The following DOCK4 variants were observed in gnomAD, a reference collection of about 807,000 sequenced individuals.
The protein encoded by DOCK4 is dedicator of cytokinesis 4.
DOCK4 carries 97 observed loss-of-function variants against 268.1 expected under a neutral mutation model. That is an observed-to-expected ratio of 0.36 (90% CI 0.31 to 0.43). The LOEUF (loss-of-function observed/expected upper bound fraction) is 0.43. DOCK4 is among the 20% of genes least tolerant of loss of function. DOCK4 has a pLI of 1.00. For synonymous variants in DOCK4, 954 were observed against 887.2 expected (o/e 1.08, Z -1.34); for missense variants, 2,145 against 2,455.7 (o/e 0.87, Z 2.67).
At chr7:112,197,295 CAA>C (rs397978122) in intron 1 of DOCK4, among the ~76,000 whole-genome samples, 2 of 131,118 alleles carry the variant, frequency 1.5e-5, no homozygotes, top group Admixed American at 7.7e-5. Flanking sequence ...ATATATTTAC[CAA>C]AAAAAAAAAA....
chr7:111,791,870 C>T lies in DOCK4; in HGVS notation c.3167-1265G>A, dbSNP rs540028327. Among the ~76,000 whole-genome samples the T allele has an allele frequency of 3.9e-5, 6 of 152,232 alleles. No individual in the cohort carries two copies. The South Asian group carries it at 1.2e-3, about 32-fold the overall frequency. Reference sequence around the variant, plus strand: ...CAAGCATGAGCCACCAGGCTGGGCCCCTTGTGTTTTTTCTTAACAGAATAA... The same window carrying T: ...CAAGCATGAGCCACCAGGCTGGGCCTCTTGTGTTTTTTCTTAACAGAATAA... On this transcript the variant is annotated intron_variant, in intron 30 of 52. Coordinates refer to ENST00000428084, the MANE Select transcript of DOCK4 (RefSeq NM_001363540.2).
chr7:111,815,633 C>T (rs867420407), intron 27 of DOCK4, among the ~76,000 whole-genome samples: 1 of 146,132 alleles, frequency 6.8e-6, no homozygotes, highest in Admixed American at 6.8e-5. Context: ...CTTCCCCTCC[C>T]CCATCCCCTC....
chr7:112,033,187 C>G (rs1007751613), intron 1 of DOCK4, among the ~76,000 whole-genome samples: 5 of 151,978 alleles, frequency 3.3e-5, no homozygotes, highest in Admixed American at 6.5e-5. Flanking sequence ...ACATCATAAT[C>G]TAAAAATAGG....
At chr7:111,854,760 A>G (rs936410470) in intron 23 of DOCK4, among the ~76,000 whole-genome samples, 2 of 152,158 alleles carry the variant, frequency 1.3e-5, no homozygotes, top group African/African-American at 4.8e-5. Flanking sequence ...AACATCTATT[A>G]AGCACCTACT....
chr7:112,127,980 G>C (rs1291314766), intron 1 of DOCK4, among the ~76,000 whole-genome samples: 2 of 152,186 alleles, frequency 1.3e-5, no homozygotes, highest in African/African-American at 4.8e-5. Context: ...AGTGAGCCAA[G>C]ATTGTGCCAC....
At position 112,041,704 on chromosome 7, in the gene DOCK4, A is replaced by G. The variant is rs117727958; in HGVS notation, c.38-37573T>C. The stretch of plus-strand genomic sequence containing the variant: ...GGTTCCTGTTCTGTTATTAACTTAC[A>G]TTTTGGAAAAGATACTTCCCACTTA... On this transcript the variant is annotated intron_variant, in intron 1 of 52. Coordinates refer to ENST00000428084, the MANE Select transcript of DOCK4 (RefSeq NM_001363540.2). Among the ~76,000 whole-genome samples, 93 of 152,328 alleles carry G rather than the reference A, an allele frequency of 6.1e-4. No individual in the cohort carries two copies. The East Asian group carries it at 0.016, about 26-fold the overall frequency.
chr7:111,742,178 C>G lies in DOCK4; in HGVS notation c.4678-46G>C, dbSNP rs750354918. 3 of 1,519,384 alleles carry G rather than the reference C, an allele frequency of 2.0e-6. No individual in the cohort carries two copies. In the South Asian group the frequency reaches 4.0e-5, roughly 20 times the overall value. The allele number at this position is 1,519,384 out of a possible 1,614,324, so 94.1% of individuals were successfully genotyped here. A position where few individuals can be genotyped will look rare whatever the true frequency, so the allele number is the denominator to read the frequency against. On this transcript the variant is annotated intron_variant, in intron 44 of 52. Transcript: ENST00000428084. ...AAAAACCTCACATCAATGACTACCT[C>G]TCACTAAGTGCCTGCTATGGGCCGA...
At chr7:112,133,188 G>C (rs1489020255) in intron 1 of DOCK4, among the ~76,000 whole-genome samples, 1 of 152,098 alleles carries the variant, frequency 6.6e-6, no homozygotes, top group Non-Finnish European at 1.5e-5. Context: ...ACTGATGGAG[G>C]CCATGTGGGT....
In DOCK4 at chr7:111,863,694, G is replaced by C. The variant is rs1805744335; in HGVS notation, c.2281-130C>G. 1.6e-5 allele frequency: 16 copies of C among 990,108 alleles called. No individual in the cohort carries two copies. The South Asian group carries it at 3.3e-4, about 20-fold the overall frequency. The allele number at this position is 990,108 out of a possible 1,614,324, so 61.3% of individuals were successfully genotyped here. On this transcript the variant is annotated intron_variant, in intron 22 of 52. Coordinates refer to ENST00000428084, the MANE Select transcript of DOCK4 (RefSeq NM_001363540.2). ...AGGAATAGAAGTATGAAATGTTTCTGTTACCTAAAGCTAAAAGGTAAATTT... is the reference window on the plus strand; with the variant it reads ...AGGAATAGAAGTATGAAATGTTTCTCTTACCTAAAGCTAAAAGGTAAATTT...
At chr7:111,840,911 T>C (rs1283808575) in intron 25 of DOCK4, 1 of 1,183,474 alleles carries the variant, frequency 8.4e-7, no homozygotes. Flanking sequence ...ATCTTCAGTC[T>C]CCAGAGAATG....
Position 111,758,329 on chromosome 7 carries a change from T to C in DOCK4, c.4329+295A>G, listed in dbSNP as rs947846578. On this transcript the variant is annotated intron_variant, in intron 41 of 52. Transcript: ENST00000428084. ...ACTTCAGCCAGGAGTTCTCAAAGACTGGTCTAAGAACCACCAGCATTAGAA... is the reference window on the plus strand; with the variant it reads ...ACTTCAGCCAGGAGTTCTCAAAGACCGGTCTAAGAACCACCAGCATTAGAA... 3.9e-5 allele frequency among the ~76,000 whole-genome samples: 6 copies of C among 152,216 alleles called. No homozygotes were observed. In the East Asian group the frequency reaches 9.6e-4, roughly 24 times the overall value.
intron 1 of DOCK4, among the ~76,000 whole-genome samples, chr7:112,129,064 A>G (rs1454701180): frequency 6.6e-6 from 1 of 152,244 alleles, no homozygotes; most frequent in Non-Finnish European, 1.5e-5. Flanking sequence ...ATCCCAGAGA[A>G]GTAAACACTT....
At chr7:112,060,183 TA>T (rs1170221138) in intron 1 of DOCK4, among the ~76,000 whole-genome samples, 1 of 152,094 alleles carries the variant, frequency 6.6e-6, no homozygotes, top group Non-Finnish European at 1.5e-5. Context: ...TTAAGACATT[TA>T]AAGGTCAAAA....
chr7:112,154,955 T>A (rs1816476168), intron 1 of DOCK4, among the ~76,000 whole-genome samples: 1 of 152,174 alleles, frequency 6.6e-6, no homozygotes, highest in African/African-American at 2.4e-5. Context: ...CAACACCATA[T>A]TGACATATGC....
intron 20 of DOCK4, among the ~76,000 whole-genome samples, chr7:111,871,214 A>G (rs1243852355): frequency 1.3e-5 from 2 of 152,146 alleles, no homozygotes; most frequent in East Asian, 1.9e-4. Flanking sequence ...TGCTTAAGGT[A>G]TAAGGTAGAA....
At chr7:112,195,415 A>G (rs937624685) in intron 1 of DOCK4, among the ~76,000 whole-genome samples, 3 of 152,158 alleles carry the variant, frequency 2.0e-5, no homozygotes, top group Non-Finnish European at 2.9e-5. Context: ...TTCTCTCTTC[A>G]TTCTTTATAG....
chr7:112,195,615 G>A (rs6965959), intron 1 of DOCK4, among the ~76,000 whole-genome samples: 2,981 of 151,552 alleles, frequency 0.02, 32 homozygotes, highest in African/African-American at 0.032. Context: ...GGCTATTTTC[G>A]GTTGCCTTAT....
At chr7:112,072,897 A>G (rs1016299269) in intron 1 of DOCK4, among the ~76,000 whole-genome samples, 3 of 152,208 alleles carry the variant, frequency 2.0e-5, no homozygotes, top group African/African-American at 7.2e-5. Context: ...TCAAGTGAGC[A>G]TGAGTACAAC....
chr7:111,976,927 G>T, intron 8 of DOCK4: 1 of 481,282 alleles, frequency 2.1e-6, no homozygotes, highest in Non-Finnish European at 3.6e-6. Flanking sequence ...TAGCCCTTAT[G>T]AATTTTTCAA....
Sources: gnomAD v4.1 joint callset for allele counts (sites outside exome capture counted in the v4.1 genomes callset) on GRCh38, gnomAD v4.1.1 for gene constraint, MANE v1.5 for transcripts, NCBI Gene and HGNC (gene_info 2026-07-23, HGNC 2026-07-21) for gene names.